TEX36: variants seen among roughly 807,000 people sequenced by gnomAD.
TEX36 encodes the protein testis-expressed protein 36.
TEX36 carries 12 observed loss-of-function variants against 13.6 expected under a neutral mutation model. The ratio of observed to expected loss-of-function variants is 0.88; its 90% confidence interval spans 0.56 to 1.43. The LOEUF (loss-of-function observed/expected upper bound fraction) is 1.43, where lower values mean the gene tolerates loss of function less well. TEX36 is among the 40% of genes most tolerant of loss of function. The pLI, the probability that TEX36 is intolerant of heterozygous loss-of-function variation, is 0.00. For synonymous variants in TEX36, 93 were observed against 83.0 expected, an observed-to-expected ratio of 1.12 and a Z score of -0.65; for missense variants, 224 against 228.3, an observed-to-expected ratio of 0.98 and a Z score of 0.12.
chr10:125,591,869 G>C (rs73375980), intron 3 of TEX36, among the ~76,000 whole-genome samples: 1,908 of 151,930 alleles, frequency 0.013, 41 homozygotes, highest in African/African-American at 0.044. Flanking sequence ...GTGCCCAACA[G>C]GAAAGACAGG....
intron 1 of TEX36, chr10:125,667,033 C>G: frequency 6.8e-7 from 1 of 1,479,366 alleles, no homozygotes; most frequent in Non-Finnish European, 9.2e-7. Flanking sequence ...CCCAGGCCTT[C>G]AGGGCAGAGG....
intron 3 of TEX36, among the ~76,000 whole-genome samples, chr10:125,622,154 T>C (rs1846435427): frequency 6.6e-6 from 1 of 152,188 alleles, no homozygotes; most frequent in African/African-American, 2.4e-5. Flanking sequence ...AAATCATACT[T>C]AATCTCCACA....
rs150219706 is a variant in TEX36, at chr10:125,679,623, G to A, written c.51+3316C>T. 1.2e-4 allele frequency among the ~76,000 whole-genome samples: 19 copies of A among 152,286 alleles called. No homozygotes were observed. In the East Asian group the frequency reaches 3.5e-3, roughly 28 times the overall value. On this transcript the variant is annotated intron_variant, in intron 1 of 3. Transcript: ENST00000368821. ...TACTCACTTACCCTTTCCCCATGTT[G>A]GGAAGTCACTCCTGGCTCCCAGCCG...
At chr10:125,643,273 C>A (rs146755716) in intron 3 of TEX36, among the ~76,000 whole-genome samples, 1 of 152,310 alleles carries the variant, frequency 6.6e-6, no homozygotes, top group East Asian at 1.9e-4. Context: ...GCCTCTCACC[C>A]GCCCTCATGC....
chr10:125,588,703 C>T (rs561748290), intron 3 of TEX36, among the ~76,000 whole-genome samples: 1 of 152,318 alleles, frequency 6.6e-6, no homozygotes, highest in East Asian at 1.9e-4. Context: ...CAAACTCCGC[C>T]TCCCGGGTTC....
rs576426494 is a variant in TEX36, at chr10:125,633,343, T to C, written c.265-11698A>G. Among the ~76,000 whole-genome samples, 35 of 152,318 alleles carry C rather than the reference T, an allele frequency of 2.3e-4. 1 individual carries two copies. The South Asian group carries it at 6.8e-3, about 30-fold the overall frequency. ...AGCTAAGAAACCCAGTCTGCTGATA[T>C]TTGGTTGAATTTCTTGGGCTACAGC... On this transcript the variant is annotated intron_variant, in intron 3 of 3. Transcript: ENST00000526819.
chr10:125,609,193 A>G (rs1333424999), intron 3 of TEX36, among the ~76,000 whole-genome samples: 1 of 151,792 alleles, frequency 6.6e-6, no homozygotes, highest in African/African-American at 2.4e-5. Flanking sequence ...CTTTTAAACT[A>G]AACAGGGGAA....
At chr10:125,681,075 T>C (rs1177675953) in intron 1 of TEX36, among the ~76,000 whole-genome samples, 1 of 152,194 alleles carries the variant, frequency 6.6e-6, no homozygotes, top group Non-Finnish European at 1.5e-5. Context: ...AGGAAAGTAT[T>C]GTTTTCCTGA....
chr10:125,586,444 A>G (rs1481506852), intron 3 of TEX36, among the ~76,000 whole-genome samples: 1 of 152,074 alleles, frequency 6.6e-6, no homozygotes, highest in Non-Finnish European at 1.5e-5. Flanking sequence ...GACTCTTGTG[A>G]ATAGGATCTT....
At chr10:125,651,010 T>C (rs903370569), downstream of TEX36, among the ~76,000 whole-genome samples, 3 of 152,044 alleles carry the variant, frequency 2.0e-5, no homozygotes, top group African/African-American at 4.8e-5. Flanking sequence ...AATTAATAGC[T>C]TACCAACCAA....
intron 3 of TEX36, among the ~76,000 whole-genome samples, chr10:125,645,524 C>T (rs1846757242): frequency 1.3e-5 from 2 of 152,188 alleles, no homozygotes; most frequent in Admixed American, 6.5e-5. Flanking sequence ...TCACCAGACG[C>T]AGCCCCTTGG....
chr10:125,634,635 G>A (rs2133569789), intron 3 of TEX36, among the ~76,000 whole-genome samples: 1 of 152,280 alleles, frequency 6.6e-6, no homozygotes, highest in East Asian at 1.9e-4. Context: ...ATCTTTGGTT[G>A]CGTGCTGCAA....
At chr10:125,591,704 C>T (rs1264608141) in intron 3 of TEX36, among the ~76,000 whole-genome samples, 1 of 152,220 alleles carries the variant, frequency 6.6e-6, no homozygotes, top group East Asian at 1.9e-4. Flanking sequence ...AGCTATAATA[C>T]ACATGCATGT....
chr10:125,640,294 AC>A (rs1283404554), intron 3 of TEX36: 2 of 764,840 alleles, frequency 2.6e-6, no homozygotes, highest in Non-Finnish European at 3.2e-6. Flanking sequence ...TTGGGAACTT[AC>A]AGATCTGTTT....
chr10:125,677,910 G>A (rs1847335249), intron 1 of TEX36, among the ~76,000 whole-genome samples: 1 of 152,100 alleles, frequency 6.6e-6, no homozygotes. Flanking sequence ...TTCAACTCCT[G>A]ACCTCAAATA....
At chr10:125,661,729 A>G (rs1847046097) in intron 2 of TEX36, 117 bp downstream of exon 2, 3 of 1,368,656 alleles carry the variant, frequency 2.2e-6, no homozygotes, top group Non-Finnish European at 3.0e-6. Flanking sequence ...TAGGGGTCCA[A>G]GGATAGTAAA....
intron 3 of TEX36, among the ~76,000 whole-genome samples, chr10:125,634,234 G>C (rs1005576397): frequency 6.6e-6 from 1 of 152,118 alleles, no homozygotes; most frequent in Non-Finnish European, 1.5e-5. Context: ...AAAATATAGA[G>C]AGTGTGATTC....
intron 3 of TEX36, among the ~76,000 whole-genome samples, chr10:125,626,469 G>T (rs938996484): frequency 6.6e-6 from 1 of 152,132 alleles, no homozygotes; most frequent in Admixed American, 6.5e-5. Context: ...TCCTTTCTTT[G>T]TCTGTGCATT....
chr10:125,674,177 A>G (rs1479084558), intron 1 of TEX36, among the ~76,000 whole-genome samples: 1 of 152,118 alleles, frequency 6.6e-6, no homozygotes, highest in African/African-American at 2.4e-5. Flanking sequence ...ACAGTCTTCA[A>G]GCTCTGAAAT....
Sources: gnomAD v4.1 joint callset for allele counts (sites outside exome capture counted in the v4.1 genomes callset) on GRCh38, gnomAD v4.1.1 for gene constraint, MANE v1.5 for transcripts, NCBI Gene and HGNC (gene_info 2026-07-23, HGNC 2026-07-21) for gene names.